CCDC141: variants seen among roughly 807,000 people sequenced by gnomAD.
The protein encoded by CCDC141 is coiled-coil domain containing 141, also known as coiled-coil domain-containing protein 141.
In CCDC141, 168 loss-of-function variants were observed where a neutral mutation model predicts 181.0. That is an observed-to-expected ratio of 0.93 (90% CI 0.82 to 1.05). The LOEUF (loss-of-function observed/expected upper bound fraction) is 1.05. Ranked by LOEUF, CCDC141 falls within the 50% of genes least tolerant of loss-of-function variation. The pLI is 0.00. For missense variants in CCDC141, 1,902 were observed against 1,788.5 expected, an observed-to-expected ratio of 1.06 and a Z score of -1.14; for synonymous variants, 666 against 642.3, an observed-to-expected ratio of 1.04 and a Z score of -0.56.
At chr2:179,043,168 C>T (rs1187900960) in intron 2 of CCDC141, among the ~76,000 whole-genome samples, 7 of 152,018 alleles carry the variant, frequency 4.6e-5, no homozygotes, top group African/African-American at 1.7e-4. Context: ...CAAGACTGAA[C>T]CAGGAAGAAA....
At chr2:178,992,018 A>G (rs1692078642) in intron 2 of CCDC141, among the ~76,000 whole-genome samples, 1 of 152,002 alleles carries the variant, frequency 6.6e-6, no homozygotes, top group Non-Finnish European at 1.5e-5. Flanking sequence ...TGCCACCATC[A>G]TGGAAAATAT....
chr2:179,027,934 T>C (rs1406110512), intron 2 of CCDC141, among the ~76,000 whole-genome samples: 3 of 152,188 alleles, frequency 2.0e-5, no homozygotes, highest in Non-Finnish European at 4.4e-5. Context: ...TTTGCATCCA[T>C]GTGTACTCAA....
chr2:178,954,946 T>C (rs2154378311), intron 5 of CCDC141, among the ~76,000 whole-genome samples: 1 of 152,282 alleles, frequency 6.6e-6, no homozygotes, highest in Middle Eastern at 3.4e-3. Flanking sequence ...AGCTTAGTGT[T>C]CCTGCTGCAA....
At chr2:178,978,777 G>A in intron 2 of CCDC141, 102 bp from the exon 3 acceptor site, 2 of 873,160 alleles carry the variant, frequency 2.3e-6, no homozygotes, top group Non-Finnish European at 3.3e-6. Flanking sequence ...ATGTGGTCTA[G>A]GAAACAGAAT....
chr2:178,963,229 G>A lies in CCDC141; in HGVS notation c.527-1746C>T, dbSNP rs554478655. 2.6e-5 allele frequency among the ~76,000 whole-genome samples: 4 copies of A among 152,222 alleles called. No individual in the cohort carries two copies. In the South Asian group the frequency reaches 8.3e-4, roughly 32 times the overall value. On this transcript the variant is annotated intron_variant, in intron 4 of 23. Coordinates refer to ENST00000443758, the MANE Select transcript of CCDC141 (RefSeq NM_173648.4). ...AAGAGAAGTTGAGAAGAAGATTTTG[G>A]GTTTTGTGATGGAAACAGAAGCCAA...
At chr2:178,986,571 T>C (rs1372546242) in intron 2 of CCDC141, among the ~76,000 whole-genome samples, 9 of 151,962 alleles carry the variant, frequency 5.9e-5, no homozygotes, top group East Asian at 1.9e-4. Flanking sequence ...GAAAACCCCA[T>C]TGTCTCAGCC....
At chr2:178,946,320 G>A (rs2154377454) in intron 5 of CCDC141, among the ~76,000 whole-genome samples, 1 of 152,112 alleles carries the variant, frequency 6.6e-6, no homozygotes, top group South Asian at 2.1e-4. Flanking sequence ...TTTATCAACA[G>A]CTATAAAATT....
intron 8 of CCDC141, 45 bp from the exon 9 acceptor site, chr2:178,888,713 GA>G: frequency 6.5e-7 from 1 of 1,545,036 alleles, no homozygotes; most frequent in Non-Finnish European, 8.8e-7. Flanking sequence ...CCCCAATATA[GA>G]ACACAGAATA....
intron 22 of CCDC141, 97 bp from the exon 23 acceptor site, chr2:178,837,841 CA>C (rs1684554465): frequency 7.5e-7 from 1 of 1,340,286 alleles, no homozygotes; most frequent in African/African-American, 2.5e-5. Flanking sequence ...TAACTCGAGA[CA>C]ACCTACAAGG....
At chr2:179,022,595 T>A (rs78787445) in intron 2 of CCDC141, among the ~76,000 whole-genome samples, 1,612 of 152,256 alleles carry the variant, frequency 0.011, 26 homozygotes, top group African/African-American at 0.037. Flanking sequence ...TCTTTCTCCA[T>A]GAATATGTCT....
At chr2:178,871,266 A>C (rs2154369149) in intron 14 of CCDC141, among the ~76,000 whole-genome samples, 161 bp downstream of exon 14, 1 of 152,332 alleles carries the variant, frequency 6.6e-6, no homozygotes, top group South Asian at 2.1e-4. Flanking sequence ...ATGCAGGAAA[A>C]AAGTAAGAAA....
chr2:179,040,647 T>C (rs539505590), intron 2 of CCDC141, among the ~76,000 whole-genome samples: 10 of 150,978 alleles, frequency 6.6e-5, no homozygotes, highest in Non-Finnish European at 1.2e-4. Context: ...TGGTTTTCTG[T>C]TTCTGAGTTA....
chr2:178,823,695 T>C, the CCDC141 span, among the ~76,000 whole-genome samples: 2 of 152,334 alleles, frequency 1.3e-5, no homozygotes, highest in East Asian at 3.9e-4. Context: ...CTTTTTGGTT[T>C]GCTATCAATG....
At chr2:178,884,507 T>C (rs1686783160) in intron 11 of CCDC141, among the ~76,000 whole-genome samples, 4 of 152,132 alleles carry the variant, frequency 2.6e-5, no homozygotes. Flanking sequence ...ACATGTAAAA[T>C]GTAGATTTGC....
intron 2 of CCDC141, among the ~76,000 whole-genome samples, chr2:179,039,614 C>T (rs76338949): frequency 0.044 from 6,771 of 152,264 alleles, 168 homozygotes; most frequent in African/African-American, 0.063. Flanking sequence ...ATCCTACACC[C>T]TTCCAATGCC....
intron 7 of CCDC141, among the ~76,000 whole-genome samples, chr2:178,916,921 C>G (rs1011255581): frequency 6.6e-6 from 1 of 151,770 alleles, no homozygotes; most frequent in African/African-American, 2.4e-5. Context: ...AGAAAGTAAC[C>G]ACTCTCTTCT....
chr2:179,041,895 A>T (rs775855967), intron 2 of CCDC141, among the ~76,000 whole-genome samples: 3 of 152,240 alleles, frequency 2.0e-5, no homozygotes, highest in Non-Finnish European at 2.9e-5. Flanking sequence ...CCAATACAGG[A>T]GTACCCAGAT....
chr2:178,905,912 T>G (rs1423355366), intron 7 of CCDC141, among the ~76,000 whole-genome samples: 1 of 152,222 alleles, frequency 6.6e-6, no homozygotes, highest in Non-Finnish European at 1.5e-5. Flanking sequence ...TCTGTAATAT[T>G]CTTTAGAGGA....
At position 178,850,029 on chromosome 2, in the gene CCDC141, T is replaced by C; in HGVS notation, c.3357+20A>G. ...TATTTATTTTGCTTGAAAATACATA[T>C]TCTAGGAAGAAGAAATTACCTTCAG... On this transcript the variant is annotated intron_variant, in intron 21 of 23. Coordinates refer to ENST00000443758, the MANE Select transcript of CCDC141 (RefSeq NM_173648.4). 7.7e-7 allele frequency: 1 copy of C among 1,306,668 alleles called. No homozygotes were observed. Among genetic ancestry groups the C allele is most frequent in the Non-Finnish European group, 1.1e-6 (1 of 915,420 alleles). 80.9% of individuals were successfully genotyped at this position (1,306,668 alleles called of 1,614,324 possible). A position where few individuals can be genotyped will look rare whatever the true frequency, so the allele number is the denominator to read the frequency against.
Sources: allele counts gnomAD v4.1 joint callset (sites outside exome capture counted in the v4.1 genomes callset), GRCh38; gene constraint gnomAD v4.1.1; transcripts MANE v1.5; gene names NCBI Gene and HGNC (gene_info 2026-07-23, HGNC 2026-07-21).